Variants in MAL2 observed in about 807,000 individuals in gnomAD.
MAL2 encodes the protein protein MAL2.
In MAL2, 17 loss-of-function variants were observed where a neutral mutation model predicts 18.1. The ratio of observed to expected loss-of-function variants is 0.94; its 90% CI spans 0.64 to 1.41. The LOEUF is 1.41. MAL2 is among the 40% of genes most tolerant of loss of function. The pLI, the probability that MAL2 is intolerant of heterozygous loss-of-function variation, is 0.00. For missense variants in MAL2, 222 were observed against 231.9 expected (o/e 0.96, Z 0.28); for synonymous variants, 102 against 102.3 (o/e 1.00, Z 0.02).
At chr8:119,222,266 C>T (rs1022622194) in intron 2 of MAL2, among the ~76,000 whole-genome samples, 3 of 152,002 alleles carry the variant, frequency 2.0e-5, no homozygotes, top group African/African-American at 7.3e-5. Context: ...CGTGGTAGCT[C>T]ATGCCTGTAA....
At chr8:119,232,392 A>T (rs74912569) in intron 2 of MAL2, among the ~76,000 whole-genome samples, 2,167 of 152,268 alleles carry the variant, frequency 0.014, 60 homozygotes, top group African/African-American at 0.05. Context: ...AATGATGGTT[A>T]TAAGGATGAG....
chr8:119,231,687 T>G (rs1433605621), intron 2 of MAL2, among the ~76,000 whole-genome samples: 1 of 152,190 alleles, frequency 6.6e-6, no homozygotes, highest in Non-Finnish European at 1.5e-5. Context: ...GGAATCAACC[T>G]AAAGGCCAGT....
chr8:119,241,967 C>T (rs1434276775), intron 3 of MAL2, among the ~76,000 whole-genome samples: 3 of 152,078 alleles, frequency 2.0e-5, no homozygotes, highest in Non-Finnish European at 4.4e-5. Context: ...TGATAGAATC[C>T]TTGTGATCCA....
intron 2 of MAL2, among the ~76,000 whole-genome samples, chr8:119,225,192 C>T (rs2129826945): frequency 6.6e-6 from 1 of 152,222 alleles, no homozygotes; most frequent in Non-Finnish European, 1.5e-5. Context: ...CATATGTATA[C>T]ATGTGCCAGG....
At chr8:119,233,987 T>C (rs1292213477) in intron 2 of MAL2, among the ~76,000 whole-genome samples, 1 of 152,188 alleles carries the variant, frequency 6.6e-6, no homozygotes, top group Non-Finnish European at 1.5e-5. Context: ...AGCTCCAGTC[T>C]ACAGCTCCCA....
intron 2 of MAL2, 25 bp downstream of exon 2, chr8:119,221,782 A>C (rs776782397): frequency 3.1e-5 from 50 of 1,610,154 alleles, no homozygotes; most frequent in Middle Eastern, 3.3e-4. Flanking sequence ...TTTTAAGTCT[A>C]TTGCAGGAAG....
chr8:119,240,324 A>G lies in MAL2; in HGVS notation c.459+4A>G, dbSNP rs571937581. 1.1e-5 allele frequency: 18 copies of G among 1,613,226 alleles called. No homozygotes were observed. The South Asian group carries it at 1.9e-4, about 17-fold the overall frequency. ...TAACATAAACGTAGCAGCCTCAGTA[A>G]GTATTCATATTCAATGAGTACCATT... is the stretch of plus-strand genomic sequence containing the variant. On this transcript the variant is annotated splice_donor_region_variant and intron_variant, in intron 3 of 3. Coordinates refer to ENST00000614891, the MANE Select transcript of MAL2 (RefSeq NM_052886.3).
chr8:119,222,242 A>C (rs1364390901), intron 2 of MAL2, among the ~76,000 whole-genome samples: 1 of 152,084 alleles, frequency 6.6e-6, no homozygotes, highest in South Asian at 2.1e-4. Flanking sequence ...TTTAAAAATG[A>C]ATTTGTGGCC....
intron 2 of MAL2, among the ~76,000 whole-genome samples, chr8:119,237,054 A>G (rs1273764375): frequency 2.0e-5 from 3 of 152,196 alleles, no homozygotes; most frequent in Non-Finnish European, 4.4e-5. Flanking sequence ...AGCAAGACTA[A>G]TAAAGAAAAA....
In MAL2 at chr8:119,232,227, AAT is replaced by A. The variant is rs1454712777; in HGVS notation, c.304-7936_304-7935del. On this transcript the variant is annotated intron_variant, in intron 2 of 3. Coordinates refer to ENST00000614891, the MANE Select transcript of MAL2 (RefSeq NM_052886.3). ...ATAAATATGTATTTTTCTCAATTAA[AAT>A]AATTTTTTTTGAAAACTAAAGAAAC... 6.4e-4 allele frequency among the ~76,000 whole-genome samples: 98 copies of A among 152,114 alleles called. 2 individuals carry two copies.
chr8:119,231,864 A>C (rs1159498742), intron 2 of MAL2, among the ~76,000 whole-genome samples: 1 of 152,236 alleles, frequency 6.6e-6, no homozygotes, highest in Non-Finnish European at 1.5e-5. Flanking sequence ...AATCTTGAAC[A>C]GTTGAATTCA....
At chr8:119,213,342 A>C (rs1563768074) in intron 1 of MAL2, among the ~76,000 whole-genome samples, 1 of 150,154 alleles carries the variant, frequency 6.7e-6, no homozygotes, top group East Asian at 2.0e-4. Flanking sequence ...TTGGACTAGT[A>C]ACATGTATAT....
chr8:119,240,188 A>G lies in MAL2; in HGVS notation c.327A>G (p.Val109=). The change falls in exon 3 of 4, where the codon GTA becomes GTG. Residue 109 remains valine (V), a synonymous_variant. Coordinates refer to ENST00000614891, the MANE Select transcript of MAL2 (RefSeq NM_052886.3). The stretch of plus-strand genomic sequence containing the variant: ...AGGATTTTGCCTACCATTTTACAGT[A>G]TTTGTCTTCTATTTTGGAGCCTTTT... ...NFLDFAYHFT[V]FVFYFGAFLL... 1.9e-6 allele frequency: 3 copies of G among 1,613,398 alleles called. No individual in the cohort carries two copies. The highest frequency in any genetic ancestry group is 2.5e-6 in the Non-Finnish European group (3 of 1,179,714).
chr8:119,210,291 C>T (rs1817249843), intron 1 of MAL2, among the ~76,000 whole-genome samples: 1 of 151,992 alleles, frequency 6.6e-6, no homozygotes, highest in Non-Finnish European at 1.5e-5. Context: ...GAAGGCTTAT[C>T]CATATGCCCT....
chr8:119,214,596 T>C (rs1817318147), intron 1 of MAL2, among the ~76,000 whole-genome samples: 1 of 152,168 alleles, frequency 6.6e-6, no homozygotes, highest in South Asian at 2.1e-4. Context: ...GAGGAATTAT[T>C]ATAAAGAAGA....
chr8:119,213,631 C>G (rs1410715465), intron 1 of MAL2, among the ~76,000 whole-genome samples: 1 of 152,066 alleles, frequency 6.6e-6, no homozygotes, highest in African/African-American at 2.4e-5. Flanking sequence ...CCAGCCTGAC[C>G]AACATGGTGA....
At chr8:119,222,153 A>G (rs1467491999) in intron 2 of MAL2, among the ~76,000 whole-genome samples, 1 of 151,872 alleles carries the variant, frequency 6.6e-6, no homozygotes, top group African/African-American at 2.4e-5. Flanking sequence ...TTTTTTTTTC[A>G]GAAAACAAAT....
At chr8:119,227,983 C>G (rs1817630532) in intron 2 of MAL2, among the ~76,000 whole-genome samples, 1 of 129,214 alleles carries the variant, frequency 7.7e-6, no homozygotes, top group Non-Finnish European at 1.8e-5. Context: ...CTGCTTCAGG[C>G]CAGTATTGCT....
At chr8:119,239,272 A>G (rs1817991933) in intron 2 of MAL2, among the ~76,000 whole-genome samples, 1 of 152,224 alleles carries the variant, frequency 6.6e-6, no homozygotes, top group South Asian at 2.1e-4. Flanking sequence ...AAGTCAGGAA[A>G]CAACAGGTGC....
Sources: allele counts gnomAD v4.1 joint callset (sites outside exome capture counted in the v4.1 genomes callset), GRCh38; gene constraint gnomAD v4.1.1; transcripts MANE v1.5; gene names NCBI Gene and HGNC (gene_info 2026-07-23, HGNC 2026-07-21).